Variants in EYA3 observed in about 807,000 individuals in gnomAD.
The protein encoded by EYA3 is EYA transcriptional coactivator and phosphatase 3.
Under a neutral mutation model 80.0 loss-of-function variants are expected in EYA3, and 39 were observed. That is an observed-to-expected ratio of 0.49 (90% CI 0.38 to 0.64). The LOEUF is 0.64. Among genes scored for constraint, EYA3 ranks in the 30% least tolerant of loss-of-function variants. The probability of loss-of-function intolerance (pLI) is 0.00; values close to 1 mark genes in which losing one functional copy is unlikely to be tolerated. For synonymous variants in EYA3, 206 were observed against 232.8 expected (o/e 0.88, Z 1.05); for missense variants, 523 against 676.1 (o/e 0.77, Z 2.51).
At chr1:28,024,233 C>T (rs371222936) in intron 7 of EYA3, among the ~76,000 whole-genome samples, 5 of 142,850 alleles carry the variant, frequency 3.5e-5, no homozygotes, top group Admixed American at 6.9e-5. Flanking sequence ...AGCAAGACTC[C>T]GTCTCAAAAA....
At chr1:28,061,959 C>A (rs1016154812) in intron 1 of EYA3, among the ~76,000 whole-genome samples, 2 of 151,988 alleles carry the variant, frequency 1.3e-5, no homozygotes, top group Non-Finnish European at 2.9e-5. Context: ...CATTATTTTA[C>A]ATTCAGTGAG....
At chr1:28,045,638 GT>G (rs1643975764) in intron 3 of EYA3, among the ~76,000 whole-genome samples, 4 of 152,128 alleles carry the variant, frequency 2.6e-5, no homozygotes, top group Admixed American at 2.6e-4. Context: ...AAGACAGTGA[GT>G]TAACTCTAGC....
At position 28,042,656 on chromosome 1, in the gene EYA3, A is replaced by T; in HGVS notation, c.78-6T>A. 6.2e-7 allele frequency: 1 copy of T among 1,613,274 alleles called. No individual in the cohort carries two copies. Among genetic ancestry groups the T allele is most frequent in the Non-Finnish European group, 8.5e-7 (1 of 1,179,196 alleles). ...CATCTGGATTGCTTACTTGACTGGG[A>T]GAACCAAAATGAATACATTAGCCCC... On this transcript the variant is annotated splice_region_variant and splice_polypyrimidine_tract_variant and intron_variant, in intron 3 of 17. Coordinates refer to ENST00000373871, the MANE Select transcript of EYA3 (RefSeq NM_001990.4).
chr1:28,042,220 A>G lies in EYA3; in HGVS notation c.157+351T>C, dbSNP rs138687793. On this transcript the variant is annotated intron_variant, in intron 4 of 17. Transcript: ENST00000373871. ...TAGAACTCAAGACACACCTTTTAAA[A>G]AAAAGTTACACCTTTTTAAAAAATA... Among the ~76,000 whole-genome samples the G allele has an allele frequency of 6.9e-3, 1,046 of 152,354 alleles. 5 individuals are homozygous for G. Among genetic ancestry groups the G allele is most frequent in the Non-Finnish European group, 0.01 (713 of 68,034 alleles).
chr1:28,051,022 C>A (rs1046179070), intron 2 of EYA3, among the ~76,000 whole-genome samples: 1 of 152,096 alleles, frequency 6.6e-6, no homozygotes, highest in Admixed American at 6.5e-5. Context: ...ACCAGTCCTA[C>A]AGAGAACAAT....
At chr1:27,979,333 G>A (rs772986083) in intron 16 of EYA3, among the ~76,000 whole-genome samples, 3 of 152,146 alleles carry the variant, frequency 2.0e-5, no homozygotes, top group Non-Finnish European at 4.4e-5. Context: ...TGAGAGAACA[G>A]CCCCAGAATA....
At chr1:28,041,674 A>G (rs570549989) in intron 4 of EYA3, among the ~76,000 whole-genome samples, 154 of 152,156 alleles carry the variant, frequency 1.0e-3, no homozygotes, top group African/African-American at 3.5e-3. Flanking sequence ...TATTTATTTT[A>G]TTTTATTTTA....
At chr1:27,992,650 CAA>C (rs1197054142) in intron 14 of EYA3, among the ~76,000 whole-genome samples, 2 of 152,136 alleles carry the variant, frequency 1.3e-5, no homozygotes, top group East Asian at 3.8e-4. Flanking sequence ...AATATTTTCT[CAA>C]AAGAGTACCT....
In EYA3 at chr1:28,027,797, G is replaced by C; in HGVS notation, c.491C>G (p.Pro164Arg). Residue 164 changes from proline to arginine, a missense_variant, in exon 7 of 18, where the codon CCC becomes CGC. Physicochemically the swap from Pro to Arg is moderately radical, Grantham distance 103. Transcript: ENST00000373871. ...SQPSPAHYSY[P>R]IQASSTNASL... Reference sequence around the variant, plus strand: ...CAACCATGCCTATTTACCTTGAATGGGATAAGAATAATGTGCTGGGCTTGG... The same window carrying C: ...CAACCATGCCTATTTACCTTGAATGCGATAAGAATAATGTGCTGGGCTTGG... 6.2e-7 allele frequency: 1 copy of C among 1,614,062 alleles called. No individual in the cohort carries two copies. The highest frequency in any genetic ancestry group is 8.5e-7 in the Non-Finnish European group (1 of 1,179,960).
chr1:28,083,462 G>A (rs1448851740), intron 1 of EYA3, among the ~76,000 whole-genome samples: 2 of 152,092 alleles, frequency 1.3e-5, no homozygotes, highest in South Asian at 2.1e-4. Flanking sequence ...AGAGGTTGCA[G>A]TGACCAGAGA....
Position 28,006,481 on chromosome 1 carries a change from T to C in EYA3, c.910-2062A>G, listed in dbSNP as rs868453128. On this transcript the variant is annotated intron_variant, in intron 10 of 17. Transcript: ENST00000373871. Reference sequence around the variant, plus strand: ...CAGCACTTTGAGAGACTGAAGCAGGTGGATCACAAGGTCAGGAGATAGAGA... The same window carrying C: ...CAGCACTTTGAGAGACTGAAGCAGGCGGATCACAAGGTCAGGAGATAGAGA... Among the ~76,000 whole-genome samples the C allele has an allele frequency of 3.9e-5, 6 of 152,142 alleles. No individual in the cohort carries two copies. In the South Asian group the frequency reaches 1.0e-3, roughly 26 times the overall value.
At chr1:28,056,268 A>C (rs572375463) in intron 2 of EYA3, among the ~76,000 whole-genome samples, 2 of 152,194 alleles carry the variant, frequency 1.3e-5, no homozygotes, top group African/African-American at 4.8e-5. Context: ...AAAACCAGGG[A>C]TAGTCCACAG....
intron 5 of EYA3, among the ~76,000 whole-genome samples, chr1:28,035,932 A>G (rs1450825555): frequency 6.6e-6 from 1 of 152,146 alleles, no homozygotes; most frequent in East Asian, 1.9e-4. Context: ...CTTCTGCCTC[A>G]GCCTCCCAAA....
At chr1:28,070,186 C>T (rs1163695950) in intron 1 of EYA3, among the ~76,000 whole-genome samples, 2 of 152,168 alleles carry the variant, frequency 1.3e-5, no homozygotes, top group East Asian at 1.9e-4. Context: ...TTTGCTATTA[C>T]CTCTCTGTTT....
intron 3 of EYA3, 48 bp from the exon 4 acceptor site, chr1:28,042,698 T>G (rs1354349796): frequency 7.4e-6 from 11 of 1,496,390 alleles, no homozygotes; most frequent in Non-Finnish European, 1.0e-5. Flanking sequence ...ATTTGCTGCA[T>G]TGCTAAAAAG....
intron 3 of EYA3, among the ~76,000 whole-genome samples, chr1:28,044,343 G>A (rs1345731519): frequency 2.0e-5 from 3 of 152,116 alleles, no homozygotes; most frequent in Non-Finnish European, 2.9e-5. Flanking sequence ...TTCTACATCC[G>A]TCAACGAGAA....
chr1:28,066,078 C>T (rs1269224587), intron 1 of EYA3, among the ~76,000 whole-genome samples: 1 of 151,414 alleles, frequency 6.6e-6, no homozygotes, highest in Non-Finnish European at 1.5e-5. Context: ...GATCTGATAA[C>T]CAAGACGGCT....
At chr1:28,055,350 T>C (rs1644398363) in intron 2 of EYA3, among the ~76,000 whole-genome samples, 1 of 151,978 alleles carries the variant, frequency 6.6e-6, no homozygotes, top group Non-Finnish European at 1.5e-5. Flanking sequence ...AGGTGATTTA[T>C]AGTAATATAA....
At chr1:27,974,974 A>G (rs928868892) in intron 17 of EYA3, among the ~76,000 whole-genome samples, 1 of 152,182 alleles carries the variant, frequency 6.6e-6, no homozygotes, top group African/African-American at 2.4e-5. Context: ...AGGATCAAAT[A>G]AAATGGCCCA....
Sources: gnomAD v4.1 joint callset for allele counts (sites outside exome capture counted in the v4.1 genomes callset) on GRCh38, gnomAD v4.1.1 for gene constraint, MANE v1.5 for transcripts, NCBI Gene and HGNC (gene_info 2026-07-23, HGNC 2026-07-21) for gene names.